Variants in USP24 observed in about 807,000 individuals in gnomAD.
USP24 encodes the protein ubiquitin specific peptidase 24.
A neutral mutation model predicts 361.6 loss-of-function variants in USP24; 97 were observed. The observed-to-expected ratio is 0.27, with a 90% CI of 0.23 to 0.32. The LOEUF is 0.32. Ranked by LOEUF, USP24 falls within the 10% of genes least tolerant of loss-of-function variation. USP24 has a pLI of 1.00. For synonymous variants in USP24, 1,098 were observed against 1,124.6 expected (o/e 0.98, Z 0.47); for missense variants, 2,353 against 3,165.6 (o/e 0.74, Z 6.16).
chr1:55,146,798 A>C, intron 19 of USP24, 131 bp downstream of exon 19: 1 of 1,001,900 alleles, frequency 1.0e-6, no homozygotes, highest in Non-Finnish European at 1.4e-6. Flanking sequence ...TTTTTTCAGC[A>C]CTTACAGTTC....
intron 23 of USP24, among the ~76,000 whole-genome samples, chr1:55,142,227 C>T (rs913415213): frequency 6.6e-6 from 1 of 152,000 alleles, no homozygotes; most frequent in African/African-American, 2.4e-5. Flanking sequence ...AGGCTTTAAC[C>T]GTCATGCTGG....
intron 1 of USP24, among the ~76,000 whole-genome samples, chr1:55,199,835 T>C (rs1239142928): frequency 6.6e-6 from 1 of 152,112 alleles, no homozygotes. Context: ...TACCCGAGAC[T>C]GGACAATTTG....
At chr1:55,194,209 C>T (rs1644360352) in intron 1 of USP24, among the ~76,000 whole-genome samples, 1 of 152,220 alleles carries the variant, frequency 6.6e-6, no homozygotes, top group African/African-American at 2.4e-5. Context: ...AAGCAATCAA[C>T]TTTCATCCTT....
At chr1:55,176,321 C>T in intron 3 of USP24, 55 bp downstream of exon 3, 1 of 1,451,718 alleles carries the variant, frequency 6.9e-7, no homozygotes, top group Non-Finnish European at 9.3e-7. Flanking sequence ...TCTCTTCCTT[C>T]ACCCTGCCCC....
intron 25 of USP24, 28 bp downstream of exon 25, chr1:55,138,916 T>A: frequency 6.2e-7 from 1 of 1,606,074 alleles, no homozygotes; most frequent in Non-Finnish European, 8.5e-7. Flanking sequence ...CTAAGCAACA[T>A]ACATCTTAAA....
intron 1 of USP24, among the ~76,000 whole-genome samples, chr1:55,193,552 C>T (rs2100886888): frequency 6.6e-6 from 1 of 152,228 alleles, no homozygotes; most frequent in East Asian, 1.9e-4. Context: ...TAGGGCATCT[C>T]CAGTGACTGC....
intron 51 of USP24, 40 bp from the exon 52 acceptor site, chr1:55,094,127 G>A: frequency 6.4e-7 from 1 of 1,564,002 alleles, no homozygotes; most frequent in Non-Finnish European, 8.7e-7. Context: ...AGTATAAAGT[G>A]GCTATTTTTT....
At position 55,190,284 on chromosome 1, in the gene USP24, G is replaced by A. The variant is rs538313699; in HGVS notation, c.325-12152C>T. On this transcript the variant is annotated intron_variant, in intron 1 of 67. Transcript: ENST00000294383. ...TGGTCTTAAAACTGGAAGCAACAGC[G>A]CGTTATACACAGGGTTAAGGAATGA... Among the ~76,000 whole-genome samples the A allele has an allele frequency of 5.9e-5, 9 of 152,106 alleles. No individual in the cohort carries two copies. The East Asian group carries it at 9.7e-4, about 16-fold the overall frequency.
chr1:55,147,936 C>T, intron 17 of USP24, 138 bp from the exon 18 acceptor site: 2 of 851,668 alleles, frequency 2.3e-6, no homozygotes, highest in South Asian at 2.0e-5. Context: ...GTATTTCCTA[C>T]ACAAAAGTAA....
rs1273310822 is a variant in USP24, at chr1:55,083,953, T to C, written c.6766-65A>G. On this transcript the variant is annotated intron_variant, in intron 56 of 67. Coordinates refer to ENST00000294383, the MANE Select transcript of USP24 (RefSeq NM_015306.3). ...CGTAAGACAGACATTTATAACAGGA[T>C]TAATTTGAGGTAAACCACCATAAGA... The C allele has an allele frequency of 2.3e-6, 3 of 1,279,750 alleles. No homozygotes were observed. In the African/African-American group the frequency reaches 4.5e-5, roughly 19 times the overall value. The allele number at this position is 1,279,750 out of a possible 1,614,324, so 79.3% of individuals were successfully genotyped here.
At chr1:55,174,085 G>C (rs1649712638) in intron 3 of USP24, among the ~76,000 whole-genome samples, 1 of 152,212 alleles carries the variant, frequency 6.6e-6, no homozygotes, top group Admixed American at 6.5e-5. Context: ...TTCTCTGCCT[G>C]AATACACTAG....
chr1:55,107,698 CG>C (rs1306476783), intron 39 of USP24, among the ~76,000 whole-genome samples: 1 of 151,612 alleles, frequency 6.6e-6, no homozygotes, highest in Non-Finnish European at 1.5e-5. Context: ...AAAAATTACA[CG>C]GGCACGGTGG....
intron 20 of USP24, among the ~76,000 whole-genome samples, chr1:55,144,908 T>C (rs58354771): frequency 0.037 from 5,685 of 152,244 alleles, 337 homozygotes; most frequent in African/African-American, 0.13. Flanking sequence ...CACTCCAGCC[T>C]GGGCGACAAG....
chr1:55,203,560 A>G (rs1304148832), intron 1 of USP24, among the ~76,000 whole-genome samples: 1 of 152,266 alleles, frequency 6.6e-6, no homozygotes, highest in Non-Finnish European at 1.5e-5. Flanking sequence ...TTTATGAAGT[A>G]TATCTTGCTA....
In USP24 at chr1:55,107,847, A is replaced by AC. The variant is rs1418056877; in HGVS notation, c.4571-418_4571-417insG. On this transcript the variant is annotated intron_variant, in intron 39 of 67. Transcript: ENST00000294383. ...AAAGAGCAAGACTCTGTCTCAAAAA[A>AC]AAAAAAAAAAAAAAAAAAACACACA... Among the ~76,000 whole-genome samples the AC allele has an allele frequency of 1.4e-3, 211 of 146,138 alleles. 2 individuals carry two copies. The highest frequency in any genetic ancestry group is 4.6e-3 in the African/African-American group (177 of 38,558).
At chr1:55,200,470 G>A (rs1257500971) in intron 1 of USP24, among the ~76,000 whole-genome samples, 1 of 152,162 alleles carries the variant, frequency 6.6e-6, no homozygotes. Flanking sequence ...AGATTGCTTA[G>A]TGTTGAACAA....
chr1:55,082,734 C>G (rs1192932879), intron 58 of USP24, among the ~76,000 whole-genome samples: 2 of 152,162 alleles, frequency 1.3e-5, no homozygotes. Context: ...GCAGTGACCC[C>G]TGATTACACC....
chr1:55,131,771 A>G (rs933317530), intron 31 of USP24, among the ~76,000 whole-genome samples: 2 of 152,256 alleles, frequency 1.3e-5, no homozygotes, highest in South Asian at 2.1e-4. Context: ...CTTAAGATAC[A>G]TGATATAATA....
intron 1 of USP24, among the ~76,000 whole-genome samples, chr1:55,208,456 C>T (rs1038331337): frequency 5.9e-5 from 9 of 151,642 alleles, no homozygotes; most frequent in Non-Finnish European, 1.2e-4. Flanking sequence ...GGTGAAACCC[C>T]GTCTCTACTG....
Sources: allele counts gnomAD v4.1 joint callset (sites outside exome capture counted in the v4.1 genomes callset), GRCh38; gene constraint gnomAD v4.1.1; transcripts MANE v1.5; gene names NCBI Gene and HGNC (gene_info 2026-07-23, HGNC 2026-07-21).